CR1: variants seen among roughly 807,000 people sequenced by gnomAD.
CR1 encodes the protein complement C3b/C4b receptor 1 (Knops blood group), also known as complement receptor type 1.
In CR1, 116 loss-of-function variants were observed where a neutral mutation model predicts 187.3. That is an observed-to-expected ratio of 0.62 (90% CI 0.53 to 0.72). The LOEUF is 0.72. Ranked by LOEUF, CR1 falls within the 30% of genes least tolerant of loss-of-function variation. The pLI is 0.00. For missense variants in CR1, 1,731 were observed against 2,110.7 expected (o/e 0.82, Z 3.52); for synonymous variants, 576 against 747.1 (o/e 0.77, Z 3.73).
intron 32 of CR1, among the ~76,000 whole-genome samples, chr1:207,583,327 T>C (rs1558247123): frequency 6.6e-6 from 1 of 152,092 alleles, no homozygotes; most frequent in Non-Finnish European, 1.5e-5. Flanking sequence ...AGGTAACAAG[T>C]GGAAGTTTCA....
intron 43 of CR1, among the ~76,000 whole-genome samples, chr1:207,620,897 C>T (rs1462296527): frequency 6.6e-6 from 1 of 151,990 alleles, no homozygotes; most frequent in Non-Finnish European, 1.5e-5. Context: ...AATATTAGAA[C>T]AAAATATAAA....
At chr1:207,501,630 G>A (rs1659272918) in intron 1 of CR1, among the ~76,000 whole-genome samples, 1 of 152,078 alleles carries the variant, frequency 6.6e-6, no homozygotes, top group African/African-American at 2.4e-5. Context: ...ATACTACTAT[G>A]CAGGTAAGAA....
At chr1:207,605,272 G>A (rs1260630790) in intron 35 of CR1, among the ~76,000 whole-genome samples, 22 of 126,752 alleles carry the variant, frequency 1.7e-4, no homozygotes, top group Admixed American at 1.6e-4. Flanking sequence ...AAAAAAAAAA[G>A]AAAGAAAGAA....
In CR1 at chr1:207,619,907, T is replaced by C; in HGVS notation, c.7094T>C (p.Met2365Thr). 1 of 1,596,086 alleles carries C rather than the reference T, an allele frequency of 6.3e-7. No homozygotes were observed. Among genetic ancestry groups the C allele is most frequent in the Non-Finnish European group, 8.5e-7 (1 of 1,170,682 alleles). Reference protein sequence around the residue: ...KEVNCSFPLFMNGISKELEMK... With the variant: ...KEVNCSFPLFTNGISKELEMK... ...GTAAATTGTAGCTTCCCACTGTTTATGAATGGAATCTCGAAGGAGTTAGAA... is the reference window on the plus strand; with the variant it reads ...GTAAATTGTAGCTTCCCACTGTTTACGAATGGAATCTCGAAGGAGTTAGAA... The change falls in exon 43 of 47, where the codon ATG (methionine) becomes ACG (threonine). Residue 2365 changes from methionine (M) to threonine (T), a missense_variant. By Grantham distance (81) the Met-to-Thr change is moderately conservative. Coordinates refer to ENST00000367049, the MANE Select transcript of CR1 (RefSeq NM_000651.6).
intron 40 of CR1, among the ~76,000 whole-genome samples, chr1:207,615,120 T>A (rs1179192397): frequency 6.6e-6 from 1 of 152,222 alleles, no homozygotes; most frequent in Non-Finnish European, 1.5e-5. Flanking sequence ...AATTTTTATG[T>A]TCTTTTATCC....
rs550371388 is a variant in CR1 at position 207,585,123 on chromosome 1, G to A, written c.5530+247G>A. Among the ~76,000 whole-genome samples, 3 of 152,166 alleles carry A rather than the reference G, an allele frequency of 2.0e-5. No individual in the cohort carries two copies. The South Asian group carries it at 6.2e-4, about 32-fold the overall frequency. ...GGTGGGAAAAAGGGACTGAGGGAGG[G>A]GTGGAGGGAAGGCAGTAAGGCACAG... is the stretch of plus-strand genomic sequence containing the variant. On this transcript the variant is annotated intron_variant, in intron 33 of 46. Coordinates refer to ENST00000367049, the MANE Select transcript of CR1 (RefSeq NM_000651.6).
At chr1:207,512,711 CAA>C (rs1269364554) in intron 4 of CR1, among the ~76,000 whole-genome samples, 5 of 151,958 alleles carry the variant, frequency 3.3e-5, no homozygotes, top group African/African-American at 4.8e-5. Flanking sequence ...TTTTGTAAAA[CAA>C]ATTGGGAAAC....
At chr1:207,498,877 C>CAAAACAAAAAAAAAAA (rs1659173101) in intron 1 of CR1, among the ~76,000 whole-genome samples, 1 of 50,104 alleles carries the variant, frequency 2.0e-5, no homozygotes, top group Non-Finnish European at 3.6e-5. Flanking sequence ...AACTCCAAAT[C>CAAAACAAAAAAAAAAA]AAAAAAAAAA....
chr1:207,503,389 C>T (rs1374308117), intron 1 of CR1, among the ~76,000 whole-genome samples: 3 of 152,180 alleles, frequency 2.0e-5, no homozygotes, highest in Non-Finnish European at 4.4e-5. Flanking sequence ...TGGCTTAAGA[C>T]AACAGAAATG....
At chr1:207,584,984 A>T in intron 33 of CR1, 108 bp downstream of exon 33, 1 of 1,500,190 alleles carries the variant, frequency 6.7e-7, no homozygotes, top group East Asian at 2.3e-5. Flanking sequence ...TAACTTTGTC[A>T]TAAGTGTAAA....
At chr1:207,581,853 A>G in intron 31 of CR1, 65 bp from the exon 32 acceptor site, 1 of 1,101,416 alleles carries the variant, frequency 9.1e-7, no homozygotes, top group Non-Finnish European at 1.4e-6. Context: ...GAGGAGGTTG[A>G]GATCTGTCAC....
chr1:207,609,164 G>A (rs1331301703), intron 36 of CR1, 126 bp from the exon 37 acceptor site: 2 of 995,572 alleles, frequency 2.0e-6, no homozygotes, highest in African/African-American at 1.7e-5. Flanking sequence ...AATATTTTAA[G>A]AAAATAACAG....
Position 207,588,710 on chromosome 1 carries a change from G to A in CR1, c.5746G>A (p.Gly1916Arg), listed in dbSNP as rs763721189. The A allele has an allele frequency of 5.0e-6, 8 of 1,612,878 alleles. No homozygotes were observed. The East Asian group carries it at 1.6e-4, about 31-fold the overall frequency. The part of the protein sequence containing the change: ...SCGPPPEPFN[G>R]MVHINTDTQF... The stretch of plus-strand genomic sequence containing the variant: ...TGGACCTCCACCAGAACCCTTCAAT[G>A]GAATGGTGCATATAAACACAGATAC... Residue 1916 changes from glycine (G) to arginine (R), a missense_variant, in exon 35 of 47, where the codon GGA becomes AGA. Around this residue, in one of 5 missense-constraint regions of CR1, gnomAD observed 1,312 missense variants for 1,379.6 expected, o/e 0.95. Transcript: ENST00000367049.
chr1:207,595,053 A>G (rs1274978480), intron 35 of CR1, among the ~76,000 whole-genome samples: 1 of 151,912 alleles, frequency 6.6e-6, no homozygotes, highest in Non-Finnish European at 1.5e-5. Context: ...TAATGATCTG[A>G]TATCAGAAAA....
intron 46 of CR1, among the ~76,000 whole-genome samples, chr1:207,630,827 A>G (rs1317980583): frequency 6.6e-6 from 1 of 152,148 alleles, no homozygotes; most frequent in Non-Finnish European, 1.5e-5. Flanking sequence ...ATAAGTTAGT[A>G]CAGTCACAGT....
chr1:207,503,476 G>C (rs572920599), intron 1 of CR1, among the ~76,000 whole-genome samples: 1 of 152,164 alleles, frequency 6.6e-6, no homozygotes, highest in Non-Finnish European at 1.5e-5. Context: ...CTCCAGGGGA[G>C]CAGGGGTTTT....
Position 207,609,523 on chromosome 1 carries a change from C to G in CR1, c.6130C>G (p.Pro2044Ala). The change falls in exon 37 of 47, where the codon CCA becomes GCA. Residue 2044 changes from proline (P) to alanine (A), a missense_variant. Physicochemically the swap from Pro to Ala is conservative, Grantham distance 27. Around this residue, in one of 5 missense-constraint regions of CR1, gnomAD observed 1,312 missense variants for 1,379.6 expected, o/e 0.95. Transcript: ENST00000367049. ...RCISTNKCTA[P>A]EVENAIRVPG... ...TATTTCTACTAATAAATGCACAGCT[C>G]CAGAAGTTGAAAATGCAATTAGAGT... The G allele has an allele frequency of 6.2e-7, 1 of 1,613,864 alleles. No individual in the cohort carries two copies. Among genetic ancestry groups the G allele is most frequent in the Non-Finnish European group, 8.5e-7 (1 of 1,179,838 alleles).
At chr1:207,593,215 A>C (rs2102361702) in intron 35 of CR1, among the ~76,000 whole-genome samples, 1 of 152,354 alleles carries the variant, frequency 6.6e-6, no homozygotes, top group South Asian at 2.1e-4. Flanking sequence ...CTATACTATA[A>C]GGCTACAGTA....
chr1:207,603,010 T>C (rs1661648615), intron 35 of CR1, among the ~76,000 whole-genome samples: 1 of 152,092 alleles, frequency 6.6e-6, no homozygotes, highest in Admixed American at 6.5e-5. Context: ...ATGGAAGATA[T>C]AATATTTTAT....
Sources: allele counts gnomAD v4.1 joint callset (sites outside exome capture counted in the v4.1 genomes callset), GRCh38; gene constraint gnomAD v4.1.1; regional missense constraint gnomAD v4.1.1; transcripts MANE v1.5; gene names NCBI Gene and HGNC (gene_info 2026-07-23, HGNC 2026-07-21).